PROSER1: variants seen among roughly 807,000 people sequenced by gnomAD.
PROSER1 encodes proline and serine rich 1, also known as proline and serine-rich protein 1.
Under a neutral mutation model 71.8 loss-of-function variants are expected in PROSER1, and 36 were observed. The ratio of observed to expected loss-of-function variants is 0.50; its 90% confidence interval spans 0.38 to 0.66. The LOEUF is 0.66. Among genes scored for constraint, PROSER1 ranks in the 30% least tolerant of loss-of-function variants. The pLI, the probability that PROSER1 is intolerant of heterozygous loss-of-function variation, is 0.00. For synonymous variants in PROSER1, 490 were observed against 452.4 expected (o/e 1.08, Z -1.06); for missense variants, 1,107 against 1,135.0 (o/e 0.98, Z 0.35).
intron 9 of PROSER1, among the ~76,000 whole-genome samples, chr13:39,021,154 C>T (rs746488934): frequency 9.9e-5 from 15 of 152,136 alleles, no homozygotes; most frequent in Non-Finnish European, 2.2e-4. Context: ...CCAGCTCCTG[C>T]CCTACCTCTG....
intron 2 of PROSER1, among the ~76,000 whole-genome samples, chr13:39,033,699 T>G (rs1451683489): frequency 1.3e-5 from 2 of 152,240 alleles, no homozygotes; most frequent in Non-Finnish European, 2.9e-5. Context: ...ACACTGTGTA[T>G]TTTTCTTACT....
intron 9 of PROSER1, among the ~76,000 whole-genome samples, chr13:39,021,198 A>C (rs866321746): frequency 8.5e-5 from 13 of 152,214 alleles, no homozygotes; most frequent in African/African-American, 3.1e-4. Context: ...CCCCCTCCCC[A>C]AGTAATTACT....
intron 9 of PROSER1, among the ~76,000 whole-genome samples, chr13:39,018,310 T>C (rs1870101951): frequency 6.6e-6 from 1 of 151,922 alleles, no homozygotes; most frequent in African/African-American, 2.4e-5. Flanking sequence ...AAGAAACCAA[T>C]ACTGTGACAG....
intron 12 of PROSER1, 37 bp downstream of exon 12, chr13:39,012,046 T>C: frequency 1.3e-6 from 2 of 1,599,794 alleles, no homozygotes; most frequent in Non-Finnish European, 1.7e-6. Flanking sequence ...TAGTTATACA[T>C]GTTACCATGT....
intron 11 of PROSER1, 97 bp from the exon 12 acceptor site, chr13:39,012,330 A>C: frequency 7.5e-7 from 1 of 1,326,958 alleles, no homozygotes; most frequent in South Asian, 1.3e-5. Flanking sequence ...GTTAAAAACA[A>C]AACAAAAACC....
At chr13:39,021,511 G>A (rs559829268) in intron 9 of PROSER1, among the ~76,000 whole-genome samples, 161 of 151,760 alleles carry the variant, frequency 1.1e-3, no homozygotes, top group African/African-American at 3.7e-3. Context: ...CCACCAGTAG[G>A]TCATTAAAAA....
chr13:39,029,247 T>TGAAGGAAAAAAAA, intron 4 of PROSER1, 34 bp downstream of exon 4: 1 of 741,240 alleles, frequency 1.3e-6, no homozygotes, highest in Non-Finnish European at 1.9e-6. Context: ...TTTTCCCAAG[T>TGAAGGAAAAAAAA]AAAAAAAAAA....
chr13:39,014,502 AGAATG>A (rs759873912), intron 10 of PROSER1, 26 bp from the exon 11 acceptor site: 1 of 1,523,542 alleles, frequency 6.6e-7, no homozygotes, highest in Non-Finnish European at 9.0e-7. Context: ...AAAAAAGGCA[AGAATG>A]TATCATCATG....
At chr13:39,029,649 A>T (rs1388706480) in intron 3 of PROSER1, among the ~76,000 whole-genome samples, 2 of 152,146 alleles carry the variant, frequency 1.3e-5, no homozygotes, top group African/African-American at 2.4e-5. Context: ...TTACAGAATT[A>T]AAAAAATCAG....
chr13:39,026,237 C>T (rs1048646460), intron 6 of PROSER1, 40 bp downstream of exon 6: 1 of 1,261,638 alleles, frequency 7.9e-7, no homozygotes, highest in Non-Finnish European at 1.2e-6. Flanking sequence ...TCATACTTAA[C>T]CATGAGAAGT....
At chr13:39,016,181 ACAT>A (rs1347081435) in intron 10 of PROSER1, among the ~76,000 whole-genome samples, 1 of 152,242 alleles carries the variant, frequency 6.6e-6, no homozygotes, top group African/African-American at 2.4e-5. Context: ...AATCCCAACC[ACAT>A]ACCATAATAA....
chr13:39,030,442 A>G (rs1225131188), intron 3 of PROSER1, among the ~76,000 whole-genome samples: 1 of 152,148 alleles, frequency 6.6e-6, no homozygotes, highest in East Asian at 1.9e-4. Flanking sequence ...TTTTAAGTCT[A>G]AGGCAGGGAG....
At chr13:39,022,993 C>T in intron 8 of PROSER1, 59 bp downstream of exon 8, 1 of 1,430,576 alleles carries the variant, frequency 7.0e-7, no homozygotes, top group Non-Finnish European at 9.8e-7. Context: ...CATTTACTTT[C>T]AATTTAATAA....
At chr13:39,026,184 A>G in intron 6 of PROSER1, 93 bp downstream of exon 6, 2 of 773,766 alleles carry the variant, frequency 2.6e-6, no homozygotes, top group South Asian at 3.6e-5. Context: ...AGTTACCGAC[A>G]TAAAATTCCT....
Position 39,014,406 on chromosome 13 carries a change from A to G in PROSER1, c.846T>C (p.Pro282=). 6.2e-7 allele frequency: 1 copy of G among 1,614,124 alleles called. No individual in the cohort carries two copies. The highest frequency in any genetic ancestry group is 1.1e-5 in the South Asian group (1 of 91,076). ...GSNPSTPAAT[P]VPTASPVKAI... ...CCTTGACTGGGGATGCAGTAGGAACAGGAGTTGCAGCAGGTGTTGAAGGAT... is the reference window on the plus strand; with the variant it reads ...CCTTGACTGGGGATGCAGTAGGAACGGGAGTTGCAGCAGGTGTTGAAGGAT... Residue 282 remains proline, a synonymous_variant, in exon 11 of 13, where the codon CCT becomes CCC. Transcript: ENST00000352251.
At chr13:39,029,839 A>T (rs1018694046) in intron 3 of PROSER1, among the ~76,000 whole-genome samples, 1 of 152,196 alleles carries the variant, frequency 6.6e-6, no homozygotes, top group Non-Finnish European at 1.5e-5. Flanking sequence ...CTAGCCATAT[A>T]AGGTAGGGAA....
At chr13:39,032,030 T>TAGATGGAGGAAAAG (rs1870869983) in intron 2 of PROSER1, among the ~76,000 whole-genome samples, 1 of 152,112 alleles carries the variant, frequency 6.6e-6, no homozygotes, top group Non-Finnish European at 1.5e-5. Context: ...AAAGGATGGT[T>TAGATGGAGGAAAAG]GAGAAGTACT....
At chr13:39,016,568 CAACT>C (rs759869603) in intron 10 of PROSER1, among the ~76,000 whole-genome samples, 10 of 152,214 alleles carry the variant, frequency 6.6e-5, no homozygotes, top group Middle Eastern at 3.2e-3. Context: ...GTACTTACAA[CAACT>C]AACCTGATTA....
At position 39,011,149 on chromosome 13, in the gene PROSER1, C is replaced by T; in HGVS notation, c.*216G>A. On this transcript the variant is annotated 3_prime_UTR_variant, in exon 13 of 13. Transcript: ENST00000352251. ...AAAGTCTCCAAACACTTTTTAAATA[C>T]CATTCTCCATACAATTTATTGTCAG... The T allele has an allele frequency of 1.9e-6, 1 of 517,122 alleles. No homozygotes were observed. 32.0% of individuals were successfully genotyped at this position (517,122 alleles called of 1,614,324 possible). A position where few individuals can be genotyped will look rare whatever the true frequency, so the allele number is the denominator to read the frequency against.
Sources: gnomAD v4.1 joint callset for allele counts (sites outside exome capture counted in the v4.1 genomes callset) on GRCh38, gnomAD v4.1.1 for gene constraint, MANE v1.5 for transcripts, NCBI Gene and HGNC (gene_info 2026-07-23, HGNC 2026-07-21) for gene names.